The following PCGF3 variants were observed in gnomAD, a reference collection of about 807,000 sequenced individuals.
PCGF3 encodes the protein polycomb group RING finger protein 3.
In PCGF3, 7 loss-of-function variants were observed where a neutral mutation model predicts 33.1. The ratio of observed to expected loss-of-function variants is 0.21; its 90% CI spans 0.12 to 0.40. PCGF3 has a LOEUF of 0.40. PCGF3 is among the 10% of genes least tolerant of loss of function. The pLI is 1.00. For synonymous variants in PCGF3, 153 were observed against 121.3 expected, an observed-to-expected ratio of 1.26 and a Z score of -1.72; for missense variants, 211 against 313.3, an observed-to-expected ratio of 0.67 and a Z score of 2.46.
At chr4:763,947 G>A (rs1230444913) in intron 9 of PCGF3, among the ~76,000 whole-genome samples, 1 of 152,198 alleles carries the variant, frequency 6.6e-6, no homozygotes, top group African/African-American at 2.4e-5. Context: ...AAGTAGAGAA[G>A]CCCCTCTGAA....
Position 720,873 on chromosome 4 carries a change from A to G in PCGF3, c.-189-9757A>G, listed in dbSNP as rs1040185715. On this transcript the variant is annotated intron_variant, in intron 1 of 10. Coordinates refer to ENST00000362003, the Ensembl canonical transcript of PCGF3. This position sits in a 1 kb window ranked among gnomAD's most constrained non-coding sequence, Gnocchi z 5.6. ...CTTCTGTCTCTAAGATACTGCTCAG[A>G]CTTGTGTGGAGGGTGAATTAGTGCG... Among the ~76,000 whole-genome samples, 1 of 152,080 alleles carries G rather than the reference A, an allele frequency of 6.6e-6. No homozygotes were observed. The highest frequency in any genetic ancestry group is 1.5e-5 in the Non-Finnish European group (1 of 68,008).
At chr4:705,863 G>C (rs1418468663) in exon 1 of PCGF3, 1 of 152,126 alleles carries the variant, frequency 6.6e-6, no homozygotes, top group Non-Finnish European at 1.5e-5. Flanking sequence ...ACTCCGGACG[G>C]GCTTTTTTCT....
chr4:728,835 C>T (rs942214384), intron 1 of PCGF3, among the ~76,000 whole-genome samples: 2 of 152,106 alleles, frequency 1.3e-5, no homozygotes, highest in South Asian at 2.1e-4. Flanking sequence ...TGTGGTGGCT[C>T]ACGCCTGTAT....
chr4:708,569 T>A (rs955493722), intron 1 of PCGF3, among the ~76,000 whole-genome samples: 6 of 152,254 alleles, frequency 3.9e-5, no homozygotes, highest in Admixed American at 1.3e-4. Context: ...GCCTCAGGGT[T>A]CCAGGAGCTC....
chr4:715,992 C>T (rs1742814752), intron 1 of PCGF3, among the ~76,000 whole-genome samples: 1 of 132,632 alleles, frequency 7.5e-6, no homozygotes, highest in Non-Finnish European at 1.6e-5. Context: ...AGTGTGAGAA[C>T]TGGGCGTCGG....
chr4:727,399 C>A (rs1409404976), intron 1 of PCGF3, among the ~76,000 whole-genome samples: 1 of 151,950 alleles, frequency 6.6e-6, no homozygotes, highest in East Asian at 1.9e-4. Context: ...TGCCATTACA[C>A]CTGGCTAATT....
rs536878127 is a variant in PCGF3 at position 712,638 on chromosome 4, G to C, written c.-190+6668G>C. On this transcript the variant is annotated intron_variant, in intron 1 of 10. Transcript: ENST00000362003. ...AGTTTTTGTATTTTTAGTAGAGATG[G>C]GGTTTTGCCATGTTGGCCAGGCTGG... 2.6e-5 allele frequency among the ~76,000 whole-genome samples: 4 copies of C among 152,074 alleles called. No homozygotes were observed. In the South Asian group the frequency reaches 8.3e-4, roughly 32 times the overall value.
At chr4:754,898 T>A (rs1410926677) in intron 8 of PCGF3, among the ~76,000 whole-genome samples, 1 of 152,126 alleles carries the variant, frequency 6.6e-6, no homozygotes, top group East Asian at 1.9e-4. Context: ...TGGGGCATAT[T>A]TAAAAGGGAG....
chr4:726,105 T>C (rs1346367188), intron 1 of PCGF3, among the ~76,000 whole-genome samples: 2 of 152,294 alleles, frequency 1.3e-5, no homozygotes, highest in Non-Finnish European at 2.9e-5. Flanking sequence ...CGGGCAGGAA[T>C]GGTCTCGTGG....
chr4:766,104 C>T (rs1745358611), exon 11 of PCGF3: 1 of 1,611,100 alleles, frequency 6.2e-7, no homozygotes, highest in Non-Finnish European at 8.5e-7. Flanking sequence ...CGCCCACAGA[C>T]TGGGCCCTCG....
chr4:763,850 C>T (rs987179621), intron 9 of PCGF3, among the ~76,000 whole-genome samples: 1 of 152,198 alleles, frequency 6.6e-6, no homozygotes, highest in Non-Finnish European at 1.5e-5. Context: ...GTGGTGCATC[C>T]ATACTGGACT....
chr4:741,034 C>A (rs756899592), intron 6 of PCGF3, among the ~76,000 whole-genome samples: 3 of 152,244 alleles, frequency 2.0e-5, no homozygotes, highest in Non-Finnish European at 4.4e-5. Flanking sequence ...TGTTGTTGAA[C>A]TGTCATTGTT....
chr4:764,953 C>T (rs1745281660), intron 9 of PCGF3, 31 bp from the exon 10 acceptor site: 2 of 1,534,394 alleles, frequency 1.3e-6, no homozygotes, highest in Non-Finnish European at 1.8e-6. Flanking sequence ...GAGCACCTCT[C>T]CGCTGCTAAT....
chr4:716,645 T>A (rs1412233040), intron 1 of PCGF3, among the ~76,000 whole-genome samples: 20 of 129,406 alleles, frequency 1.5e-4, no homozygotes, highest in Non-Finnish European at 2.7e-4. Flanking sequence ...ACACTGAGTG[T>A]GAGAACTGGG....
intron 6 of PCGF3, among the ~76,000 whole-genome samples, chr4:742,952 G>T (rs1178531421): frequency 6.6e-6 from 1 of 152,238 alleles, no homozygotes; most frequent in African/African-American, 2.4e-5. Flanking sequence ...GGGTTCCTCA[G>T]TGGTGGCCTT....
At chr4:763,183 G>A (rs1206727534) in intron 9 of PCGF3, among the ~76,000 whole-genome samples, 1 of 152,216 alleles carries the variant, frequency 6.6e-6, no homozygotes, top group African/African-American at 2.4e-5. Flanking sequence ...TTTTTGCTAA[G>A]TTTCTATCGT....
chr4:765,850 C>T (rs1195806764), intron 10 of PCGF3, among the ~76,000 whole-genome samples, 182 bp from the exon 11 acceptor site: 1 of 152,158 alleles, frequency 6.6e-6, no homozygotes, highest in Non-Finnish European at 1.5e-5. Flanking sequence ...TCTTCCTAGC[C>T]CGTCTTCCCC....
At chr4:716,224 G>A (rs1484308126) in intron 1 of PCGF3, among the ~76,000 whole-genome samples, 30 of 127,348 alleles carry the variant, frequency 2.4e-4, no homozygotes, top group African/African-American at 8.6e-4. Context: ...CGTGGGTGCT[G>A]GGACCCTCTA....
At chr4:761,119 T>C (rs547275019) in intron 8 of PCGF3, among the ~76,000 whole-genome samples, 160 bp from the exon 9 acceptor site, 2 of 152,226 alleles carry the variant, frequency 1.3e-5, no homozygotes, top group Non-Finnish European at 2.9e-5. Context: ...ATAAGGTATG[T>C]AAGATTCTTT....
Sources: gnomAD v4.1 joint callset for allele counts (sites outside exome capture counted in the v4.1 genomes callset) on GRCh38, gnomAD v4.1.1 for gene constraint, Gnocchi (gnomAD v3.1) non-coding constraint, MANE v1.5 for transcripts, NCBI Gene and HGNC (gene_info 2026-07-23, HGNC 2026-07-21) for gene names.